Variants in GBA1 observed in about 807,000 individuals in gnomAD.
The protein encoded by GBA1 is glucosylceramidase beta 1, also known as lysosomal acid glucosylceramidase.
chr1:155,242,617 T>C, the GBA1 span, among the ~76,000 whole-genome samples: 1 of 124,546 alleles, frequency 8.0e-6, no homozygotes, highest in Non-Finnish European at 1.6e-5. Flanking sequence ...GTTCCTCCAG[T>C]AATTTTTTTT....
chr1:155,235,829 C>A, the GBA1 span: 2 of 1,614,238 alleles, frequency 1.2e-6, no homozygotes, highest in Non-Finnish European at 1.7e-6. Flanking sequence ...CAGCCGACCA[C>A]ATGGTACAGG....
At chr1:155,240,114 T>G in the GBA1 span, 1 of 1,580,670 alleles carries the variant, frequency 6.3e-7, no homozygotes, top group Non-Finnish European at 8.7e-7. Flanking sequence ...TGAGGTCTGA[T>G]GAAGACATGG....
the GBA1 span, chr1:155,241,137 G>A: frequency 6.2e-7 from 1 of 1,612,630 alleles, no homozygotes; most frequent in Non-Finnish European, 8.5e-7. Context: ...TAGATGAAGA[G>A]AAGACCACAG....
the GBA1 span, chr1:155,239,805 G>A: frequency 6.2e-7 from 1 of 1,614,086 alleles, no homozygotes; most frequent in Non-Finnish European, 8.5e-7. Flanking sequence ...TACCCAGCGG[G>A]AAACTCCATG....
chr1:155,241,187 A>G, the GBA1 span: 1 of 1,444,284 alleles, frequency 6.9e-7, no homozygotes, highest in Non-Finnish European at 9.7e-7. Context: ...TCCACTAAAC[A>G]AAAACAAGGA....
At chr1:155,241,933 G>T in the GBA1 span, among the ~76,000 whole-genome samples, 2 of 152,156 alleles carry the variant, frequency 1.3e-5, no homozygotes, top group Non-Finnish European at 2.9e-5. Flanking sequence ...AAGACAGGGA[G>T]GTTTGTAAAG....
the GBA1 span, chr1:155,237,942 C>T: frequency 0.043 from 29,221 of 684,822 alleles, 856 homozygotes; most frequent in African/African-American, 0.1. Context: ...AGAAAGTGGG[C>T]CAGACCGAGA....
the GBA1 span, among the ~76,000 whole-genome samples, chr1:155,243,256 C>A: frequency 6.6e-6 from 1 of 152,206 alleles, no homozygotes; most frequent in African/African-American, 2.4e-5. Flanking sequence ...AGACTTCTCA[C>A]TTTTCAAGGA....
chr1:155,238,838 T>C, the GBA1 span: 1 of 659,380 alleles, frequency 1.5e-6, no homozygotes, highest in Non-Finnish European at 2.7e-6. Flanking sequence ...TCCGTAGCAG[T>C]TAGCAGATGA....
the GBA1 span, among the ~76,000 whole-genome samples, chr1:155,239,133 A>C: frequency 2.6e-5 from 4 of 151,174 alleles, no homozygotes; most frequent in African/African-American, 9.7e-5. Flanking sequence ...CAGGAGAATC[A>C]CCTGAACCCG....
chr1:155,243,756 G>C, the GBA1 span, among the ~76,000 whole-genome samples: 1 of 151,954 alleles, frequency 6.6e-6, no homozygotes, highest in Non-Finnish European at 1.5e-5. Flanking sequence ...GAGGCACTGC[G>C]CCCAGTCCGC....
At chr1:155,238,650 C>T in the GBA1 span, 2 of 1,613,624 alleles carry the variant, frequency 1.2e-6, no homozygotes, top group Non-Finnish European at 1.7e-6. Flanking sequence ...ATATCCGATT[C>T]CTACAGAAAA....
At chr1:155,241,045 G>A in the GBA1 span, 1 of 1,551,488 alleles carries the variant, frequency 6.4e-7, no homozygotes, top group South Asian at 1.1e-5. Context: ...CAGGATTCCA[G>A]AAGCACTGTG....
At chr1:155,237,294 T>C in the GBA1 span, 2 of 1,613,544 alleles carry the variant, frequency 1.2e-6, no homozygotes, top group Non-Finnish European at 8.5e-7. Flanking sequence ...GTCATTTGGA[T>C]GCTGGATTTG....
chr1:155,238,779 C>T, the GBA1 span: 2 of 1,516,178 alleles, frequency 1.3e-6, no homozygotes, highest in Non-Finnish European at 9.1e-7. Flanking sequence ...TGGGTTGGAA[C>T]CTGTGGAGGC....
chr1:155,236,964 A>T, the GBA1 span, among the ~76,000 whole-genome samples: 5 of 152,124 alleles, frequency 3.3e-5, no homozygotes, highest in East Asian at 9.6e-4. Context: ...TCCCGGGTTC[A>T]ACTGATTCTC....
At chr1:155,236,283 A>G in the GBA1 span, 1 of 1,614,176 alleles carries the variant, frequency 6.2e-7, no homozygotes, top group Non-Finnish European at 8.5e-7. Flanking sequence ...CCTCGATCCC[A>G]GGAGCCTAGC....
the GBA1 span, chr1:155,236,376 C>T: frequency 0.012 from 19,873 of 1,614,092 alleles, 196 homozygotes; most frequent in Non-Finnish European, 0.013. Flanking sequence ...CGGTGTGTCT[C>T]CCCTAGGGTG....
At chr1:155,236,105 G>A in the GBA1 span, 2 of 828,496 alleles carry the variant, frequency 2.4e-6, no homozygotes, top group Non-Finnish European at 4.1e-6. Flanking sequence ...GGGAAGATAG[G>A]GAATCATGGT....
Sources: gnomAD v4.1 joint callset for allele counts (sites outside exome capture counted in the v4.1 genomes callset) on GRCh38, gnomAD v4.1.1 for gene constraint, MANE v1.5 for transcripts, NCBI Gene and HGNC (gene_info 2026-07-23, HGNC 2026-07-21) for gene names.